The following NHS variants were observed in gnomAD, a reference collection of about 807,000 sequenced individuals.
NHS encodes the protein NHS actin remodeling regulator, also known as actin remodeling regulator NHS.
NHS carries 5 observed loss-of-function variants against 72.5 expected under a neutral mutation model. The ratio of observed to expected loss-of-function variants is 0.07; its 90% confidence interval spans 0.04 to 0.14. The LOEUF (loss-of-function observed/expected upper bound fraction) is 0.14. Among genes scored for constraint, NHS ranks in the 10% least tolerant of loss-of-function variants. The pLI is 1.00. For synonymous variants in NHS, 464 were observed against 547.7 expected, an observed-to-expected ratio of 0.85 and a Z score of 2.13; for missense variants, 1,072 against 1,355.7, an observed-to-expected ratio of 0.79 and a Z score of 3.29.
At chrX:17,415,150 T>C (rs1175023958) in intron 1 of NHS, among the ~76,000 whole-genome samples, 1 of 111,865 alleles carries the variant, frequency 8.9e-6, no homozygotes, top group East Asian at 2.8e-4. Flanking sequence ...GCTCTATCTG[T>C]CTGGCTCCTT....
intron 1 of NHS, among the ~76,000 whole-genome samples, chrX:17,507,165 G>A (rs1321481809): frequency 2.7e-5 from 3 of 112,357 alleles, no homozygotes; most frequent in African/African-American, 9.7e-5. Context: ...AACAAAAACA[G>A]GACAAAAGTT....
At chrX:17,381,222 C>T (rs1276616778) in intron 1 of NHS, among the ~76,000 whole-genome samples, 3 of 111,842 alleles carry the variant, frequency 2.7e-5, no homozygotes, top group Non-Finnish European at 5.6e-5. Flanking sequence ...GGATGTTCAT[C>T]TTTAGACATT....
intron 1 of NHS, among the ~76,000 whole-genome samples, chrX:17,668,678 T>C (rs2066027076): frequency 9.0e-6 from 1 of 111,150 alleles, no homozygotes; most frequent in Admixed American, 9.6e-5. Flanking sequence ...CCCCCAGAAG[T>C]AGACCCTGAG....
rs377271145 is a variant in NHS at position 17,484,125 on chromosome X, G to A, written c.565+107803G>A. 2.7e-5 allele frequency among the ~76,000 whole-genome samples: 3 copies of A among 112,280 alleles called. No homozygotes were observed. In the East Asian group the frequency reaches 8.4e-4, roughly 32 times the overall value. On this transcript the variant is annotated intron_variant, in intron 1 of 8. Coordinates refer to ENST00000676302, the MANE Select transcript of NHS (RefSeq NM_001291867.2). The stretch of plus-strand genomic sequence containing the variant: ...CCATGGTAGAACTATTTACATCATG[G>A]AATTCCTAAACACTACTAATGAAAG...
chrX:17,494,405 A>G (rs1027183609), intron 1 of NHS, among the ~76,000 whole-genome samples: 2 of 111,888 alleles, frequency 1.8e-5, no homozygotes, highest in East Asian at 5.6e-4. Context: ...CTAATTCCAC[A>G]TGGCTGTCTT....
At chrX:17,598,750 A>G (rs1209779574) in intron 1 of NHS, among the ~76,000 whole-genome samples, 1 of 111,581 alleles carries the variant, frequency 9.0e-6, no homozygotes, top group Non-Finnish European at 1.9e-5. Context: ...TCTTTCCCCA[A>G]AGAAAACGTG....
Position 17,375,237 on chromosome X carries a change from GGAGA to G in NHS, c.-516_-513del, listed in dbSNP as rs1023469404. ...CGAAACCTCCTCCCCGCCCAGCCAGGGAGAGAGATCCCGGGCGCAATCGCTCCCC... is the reference window on the plus strand; with the variant it reads ...CGAAACCTCCTCCCCGCCCAGCCAGGGAGATCCCGGGCGCAATCGCTCCCC... On this transcript the variant is annotated 5_prime_UTR_variant, in exon 1 of 9. Coordinates refer to ENST00000676302, the MANE Select transcript of NHS (RefSeq NM_001291867.2). 3.0e-4 allele frequency among the ~76,000 whole-genome samples: 34 copies of G among 112,163 alleles called. No homozygotes were observed. The highest frequency in any genetic ancestry group is 1.6e-3 in the Admixed American group (17 of 10,797).
chrX:17,519,408 G>A (rs925330591), intron 1 of NHS, among the ~76,000 whole-genome samples: 3 of 112,197 alleles, frequency 2.7e-5, no homozygotes, highest in African/African-American at 9.7e-5. Flanking sequence ...AGAAAGAAAT[G>A]TAACAATTTT....
chrX:17,467,536 A>G (rs2064875630), intron 1 of NHS, among the ~76,000 whole-genome samples: 2 of 112,452 alleles, frequency 1.8e-5, no homozygotes, highest in East Asian at 2.8e-4. Flanking sequence ...TTAGTTTACC[A>G]TTCCTTCAAA....
At chrX:17,493,258 TTG>T (rs1323289814) in intron 1 of NHS, among the ~76,000 whole-genome samples, 2 of 111,711 alleles carry the variant, frequency 1.8e-5, no homozygotes, top group African/African-American at 3.3e-5. Context: ...CATTACGTAT[TTG>T]TGGATTGCTG....
intron 1 of NHS, among the ~76,000 whole-genome samples, chrX:17,401,317 G>A (rs1235944293): frequency 8.9e-6 from 1 of 111,815 alleles, no homozygotes; most frequent in Non-Finnish European, 1.9e-5. Context: ...TATGACCTTG[G>A]ATAGGGCAAT....
Position 17,428,579 on chromosome X carries a change from A to G in NHS, c.565+52257A>G, listed in dbSNP as rs188163131. 1.1e-3 allele frequency among the ~76,000 whole-genome samples: 119 copies of G among 111,602 alleles called. 1 individual carries two copies. Among genetic ancestry groups the G allele is most frequent in the African/African-American group, 3.8e-3 (116 of 30,742 alleles). On this transcript the variant is annotated intron_variant, in intron 1 of 8. Transcript: ENST00000676302. The stretch of plus-strand genomic sequence containing the variant: ...AGGAGGAGGAAGGCAGCTGTGAAAA[A>G]GGGAATATGGAGAAGCAGAGCTGCC...
At position 17,412,198 on chromosome X, in the gene NHS, A is replaced by C. The variant is rs184097550; in HGVS notation, c.565+35876A>C. The stretch of plus-strand genomic sequence containing the variant: ...TCAATGATATTTATATACTTAAATA[A>C]TGTATTCTTTTATAATATATATTAT... On this transcript the variant is annotated intron_variant, in intron 1 of 8. Transcript: ENST00000676302. Among the ~76,000 whole-genome samples, 54 of 109,167 alleles carry C rather than the reference A, an allele frequency of 4.9e-4. 1 individual carries two copies. In the East Asian group the frequency reaches 0.012, roughly 25 times the overall value. 94.8% of individuals were successfully genotyped at this position (109,167 alleles called of 115,157 possible). A position where few individuals can be genotyped will look rare whatever the true frequency, so the allele number is the denominator to read the frequency against.
Position 17,735,751 on chromosome X carries a change from T to C in NHS, c.*3287T>C, listed in dbSNP as rs966879804. On this transcript the variant is annotated 3_prime_UTR_variant, in exon 9 of 9. Transcript: ENST00000676302. ...CATCCATTTTGTATTTTTGTAATAT[T>C]TGTAAATATGAACTTTTTAAATTGC... is the stretch of plus-strand genomic sequence containing the variant. 3.5e-5 allele frequency: 4 copies of C among 113,185 alleles called. No homozygotes were observed. The highest frequency in any genetic ancestry group is 1.3e-4 in the African/African-American group (4 of 31,040). 9.3% of individuals were successfully genotyped at this position (113,185 alleles called of 1,213,427 possible).
At chrX:17,666,617 G>A (rs1037218718) in intron 1 of NHS, among the ~76,000 whole-genome samples, 4 of 112,063 alleles carry the variant, frequency 3.6e-5, no homozygotes, top group East Asian at 5.5e-4. Flanking sequence ...ATGAATGAAA[G>A]CTGAAAATAT....
chrX:17,412,673 G>A (rs1479310399), intron 1 of NHS, among the ~76,000 whole-genome samples: 2 of 112,463 alleles, frequency 1.8e-5, no homozygotes, highest in Non-Finnish European at 3.8e-5. Flanking sequence ...TTAACTGAAT[G>A]CTTAGTGTGT....
intron 3 of NHS, among the ~76,000 whole-genome samples, chrX:17,707,595 A>G (rs1161311952): frequency 9.0e-6 from 1 of 111,481 alleles, no homozygotes; most frequent in East Asian, 2.8e-4. Flanking sequence ...GCTATAAACA[A>G]TGACCATGTT....
At chrX:17,440,803 A>C (rs1020251051) in intron 1 of NHS, among the ~76,000 whole-genome samples, 1 of 111,946 alleles carries the variant, frequency 8.9e-6, no homozygotes, top group Non-Finnish European at 1.9e-5. Context: ...GTTTGAGGTG[A>C]GCTGTGGCTA....
At chrX:17,391,301 C>T (rs1160345060) in intron 1 of NHS, among the ~76,000 whole-genome samples, 2 of 111,701 alleles carry the variant, frequency 1.8e-5, no homozygotes, top group African/African-American at 3.3e-5. Context: ...TCTCTCAGTT[C>T]CACCACTTAC....
Sources: gnomAD v4.1 joint callset for allele counts (sites outside exome capture counted in the v4.1 genomes callset) on GRCh38, gnomAD v4.1.1 for gene constraint, MANE v1.5 for transcripts, NCBI Gene and HGNC (gene_info 2026-07-23, HGNC 2026-07-21) for gene names.